OSBPL8: variants seen among roughly 807,000 people sequenced by gnomAD.
OSBPL8 encodes oxysterol binding protein like 8.
In OSBPL8, 59 loss-of-function variants were observed where a neutral mutation model predicts 125.5. The ratio of observed to expected loss-of-function variants is 0.47; its 90% confidence interval spans 0.38 to 0.58. The LOEUF (loss-of-function observed/expected upper bound fraction) is 0.58, where lower values mean the gene tolerates loss of function less well. Ranked by LOEUF, OSBPL8 falls within the 20% of genes least tolerant of loss-of-function variation. OSBPL8 has a pLI of 0.00. For synonymous variants in OSBPL8, 330 were observed against 338.9 expected (o/e 0.97, Z 0.29); for missense variants, 758 against 1,047.8 (o/e 0.72, Z 3.82).
intron 1 of OSBPL8, among the ~76,000 whole-genome samples, chr12:76,523,642 CT>C (rs547818728): frequency 8.5e-5 from 13 of 152,300 alleles, no homozygotes; most frequent in Admixed American, 2.6e-4. Flanking sequence ...TGCTTCCCCT[CT>C]GTTTCCACCA....
intron 8 of OSBPL8, 68 bp downstream of exon 8, chr12:76,397,626 G>C (rs1027088662): frequency 2.8e-6 from 4 of 1,423,644 alleles, no homozygotes; most frequent in Non-Finnish European, 3.9e-6. Flanking sequence ...TCATTTGATT[G>C]ATGTATCTCA....
rs1182116061 is a variant in OSBPL8, at chr12:76,483,317, C to T, written c.42+4193G>A. Among the ~76,000 whole-genome samples the T allele has an allele frequency of 4.7e-5, 7 of 150,260 alleles. No homozygotes were observed. The Admixed American group carries it at 4.7e-4, about 10-fold the overall frequency. The stretch of plus-strand genomic sequence containing the variant: ...GTGGCTCATGTCTGTAATCCTAGCA[C>T]TTTGGGAGACTGAGGCAGATGGATA... On this transcript the variant is annotated intron_variant, in intron 2 of 23. Coordinates refer to ENST00000261183, the MANE Select transcript of OSBPL8 (RefSeq NM_020841.5).
intron 1 of OSBPL8, among the ~76,000 whole-genome samples, chr12:76,542,064 G>A (rs551530818): frequency 1.3e-3 from 196 of 152,016 alleles, no homozygotes; most frequent in Non-Finnish European, 2.3e-3. Context: ...CCAGCTACAC[G>A]GGAGGCTGAG....
At chr12:76,509,259 C>T (rs1211150478) in intron 1 of OSBPL8, among the ~76,000 whole-genome samples, 1 of 152,152 alleles carries the variant, frequency 6.6e-6, no homozygotes, top group Non-Finnish European at 1.5e-5. Flanking sequence ...GTAGGCTACA[C>T]CACCTAGGTT....
At chr12:76,443,343 A>G (rs1318684083) in intron 4 of OSBPL8, among the ~76,000 whole-genome samples, 2 of 152,094 alleles carry the variant, frequency 1.3e-5, no homozygotes, top group Admixed American at 6.6e-5. Flanking sequence ...TATTTCATGA[A>G]GCTTTGATAA....
intron 4 of OSBPL8, among the ~76,000 whole-genome samples, chr12:76,415,900 T>G (rs149575851): frequency 2.0e-5 from 3 of 152,316 alleles, no homozygotes; most frequent in Non-Finnish European, 4.4e-5. Context: ...CTCTAGTGTG[T>G]GTATTTTCTG....
At chr12:76,375,849 T>C (rs1226679797) in intron 16 of OSBPL8, among the ~76,000 whole-genome samples, 4 of 152,180 alleles carry the variant, frequency 2.6e-5, no homozygotes, top group South Asian at 2.1e-4. Context: ...ACATGTAGTG[T>C]TGCAGTGCTG....
At chr12:76,381,744 C>G (rs1336270679) in intron 15 of OSBPL8, among the ~76,000 whole-genome samples, 1 of 131,008 alleles carries the variant, frequency 7.6e-6, no homozygotes, top group Non-Finnish European at 1.7e-5. Flanking sequence ...TTTTTTTTTT[C>G]CTTTCTTGAG....
intron 21 of OSBPL8, among the ~76,000 whole-genome samples, chr12:76,367,229 G>GGTGTGTGT (rs71311108): frequency 0.092 from 13,481 of 147,130 alleles, 791 homozygotes; most frequent in Admixed American, 0.13. Context: ...TTTGTTGATT[G>GGTGTGTGT]GTGTGTGTGT....
intron 4 of OSBPL8, among the ~76,000 whole-genome samples, chr12:76,441,136 C>T (rs1017467853): frequency 6.6e-6 from 1 of 151,994 alleles, no homozygotes. Context: ...GCAGGAGCTG[C>T]GAAAATCATC....
At chr12:76,384,764 A>T (rs1953231681) in intron 14 of OSBPL8, among the ~76,000 whole-genome samples, 2 of 152,200 alleles carry the variant, frequency 1.3e-5, no homozygotes, top group East Asian at 3.9e-4. Flanking sequence ...CTCTTCTGTC[A>T]ACAGCCAGGT....
intron 2 of OSBPL8, among the ~76,000 whole-genome samples, chr12:76,487,149 C>T (rs1878234730): frequency 6.6e-6 from 1 of 151,296 alleles, no homozygotes; most frequent in Admixed American, 6.6e-5. Flanking sequence ...CGTGCCTCAG[C>T]CTCCCAAGTA....
Position 76,551,919 on chromosome 12 carries a change from T to C in OSBPL8, c.-68+7478A>G, listed in dbSNP as rs543967637. 7.9e-5 allele frequency among the ~76,000 whole-genome samples: 12 copies of C among 152,346 alleles called. No individual in the cohort carries two copies. In the South Asian group the frequency reaches 2.5e-3, roughly 32 times the overall value. On this transcript the variant is annotated intron_variant, in intron 1 of 23. Transcript: ENST00000261183. ...TTCTCATTAATATTACAATCCATTG[T>C]GGGTATTCCTATTTGGTACACAAAT...
chr12:76,363,654 C>G (rs901004284), intron 21 of OSBPL8, among the ~76,000 whole-genome samples: 1 of 152,094 alleles, frequency 6.6e-6, no homozygotes, highest in Non-Finnish European at 1.5e-5. Context: ...CCAAAATTGA[C>G]AAATGGGATC....
intron 12 of OSBPL8, among the ~76,000 whole-genome samples, chr12:76,389,302 T>C (rs2136287211): frequency 6.6e-6 from 1 of 152,268 alleles, no homozygotes; most frequent in South Asian, 2.1e-4. Flanking sequence ...ACTGAACAAG[T>C]GTTTTTGTAG....
intron 4 of OSBPL8, among the ~76,000 whole-genome samples, chr12:76,412,851 G>A (rs548473748): frequency 2.0e-4 from 31 of 152,160 alleles, no homozygotes; most frequent in African/African-American, 7.2e-4. Context: ...CAATGCCATG[G>A]AGCCTCTCAA....
intron 14 of OSBPL8, among the ~76,000 whole-genome samples, chr12:76,384,624 A>C (rs138372464): frequency 1.1e-3 from 163 of 152,230 alleles, no homozygotes; most frequent in African/African-American, 3.6e-3. Context: ...GTAATTTCTG[A>C]GATTAGGTTA....
chr12:76,521,786 G>T (rs1882083488), intron 1 of OSBPL8, among the ~76,000 whole-genome samples: 1 of 152,174 alleles, frequency 6.6e-6, no homozygotes, highest in African/African-American at 2.4e-5. Flanking sequence ...ATCGCCAGGG[G>T]ACAGGGGGAG....
In OSBPL8 at chr12:76,386,521, A is replaced by G. The variant is rs920957168; in HGVS notation, c.1434+58T>C. On this transcript the variant is annotated intron_variant, in intron 13 of 23. Coordinates refer to ENST00000261183, the MANE Select transcript of OSBPL8 (RefSeq NM_020841.5). ...TTAACACACAATCTACAGATTACATAAAATATAAAGAATTCATAAAACACT... is the reference window on the plus strand; with the variant it reads ...TTAACACACAATCTACAGATTACATGAAATATAAAGAATTCATAAAACACT... The G allele has an allele frequency of 8.9e-5, 130 of 1,468,312 alleles. 1 individual carries two copies. The highest frequency in any genetic ancestry group is 8.5e-5 in the Non-Finnish European group (92 of 1,080,262). The allele number at this position is 1,468,312 out of a possible 1,614,324, so 91.0% of individuals were successfully genotyped here.
Sources: allele counts gnomAD v4.1 joint callset (sites outside exome capture counted in the v4.1 genomes callset), GRCh38; gene constraint gnomAD v4.1.1; transcripts MANE v1.5; gene names NCBI Gene and HGNC (gene_info 2026-07-23, HGNC 2026-07-21).